SEMA3A: variants seen among roughly 807,000 people sequenced by gnomAD.
The protein encoded by SEMA3A is semaphorin 3A, also known as semaphorin-3A.
A neutral mutation model predicts 97.9 loss-of-function variants in SEMA3A; 29 were observed. That is an observed-to-expected ratio of 0.30 (90% CI 0.22 to 0.40). SEMA3A has a LOEUF of 0.40. SEMA3A is among the 10% of genes least tolerant of loss of function. The pLI is 1.00. For missense variants in SEMA3A, 763 were observed against 951.3 expected (o/e 0.80, Z 2.60); for synonymous variants, 321 against 323.7 (o/e 0.99, Z 0.09).
In SEMA3A at chr7:84,293,510, T is replaced by A. The variant is rs553829509; in HGVS notation, c.-83+13697A>T. Among the ~76,000 whole-genome samples the A allele has an allele frequency of 1.1e-3, 164 of 152,120 alleles. 1 individual carries two copies. The highest frequency in any genetic ancestry group is 3.4e-3 in the Middle Eastern group (1 of 294). Reference sequence around the variant, plus strand: ...AGACATGAGAAAAGTATCAAATTAATTTTCAGATGCAAAAAATATAACAAT... The same window carrying A: ...AGACATGAGAAAAGTATCAAATTAAATTTCAGATGCAAAAAATATAACAAT... On this transcript the variant is annotated intron_variant, in intron 3 of 3. Transcript: ENST00000424555.
intron 4 of SEMA3A, among the ~76,000 whole-genome samples, chr7:84,063,526 A>G (rs1296292781): frequency 2.0e-5 from 3 of 150,062 alleles, no homozygotes; most frequent in African/African-American, 7.4e-5. Context: ...TTTGAAAAAA[A>G]TTTAGAAGAA....
intron 3 of SEMA3A, among the ~76,000 whole-genome samples, chr7:84,264,967 A>T (rs1274640053): frequency 6.6e-6 from 1 of 152,148 alleles, no homozygotes; most frequent in African/African-American, 2.4e-5. Flanking sequence ...CCCAGTCATC[A>T]GTCTGCTTAT....
intron 1 of SEMA3A, among the ~76,000 whole-genome samples, chr7:84,377,927 T>C (rs1803150028): frequency 6.6e-6 from 1 of 152,278 alleles, no homozygotes; most frequent in South Asian, 2.1e-4. Context: ...TCAAAATCTA[T>C]TTACCTGAAT....
At position 84,271,160 on chromosome 7, in the gene SEMA3A, T is replaced by C. The variant is rs910443872; in HGVS notation, c.-83+36047A>G. 3.3e-5 allele frequency among the ~76,000 whole-genome samples: 5 copies of C among 152,224 alleles called. No homozygotes were observed. In the South Asian group the frequency reaches 8.3e-4, roughly 25 times the overall value. On this transcript the variant is annotated intron_variant, in intron 3 of 3. Transcript: ENST00000424555. Reference sequence around the variant, plus strand: ...TCTCTCTCTTTTTTCTATTTATTTATAGCTACCTCCTCTGATGTGTACTCA... The same window carrying C: ...TCTCTCTCTTTTTTCTATTTATTTACAGCTACCTCCTCTGATGTGTACTCA...
intron 3 of SEMA3A, among the ~76,000 whole-genome samples, chr7:84,113,173 T>G (rs2115951850): frequency 6.6e-6 from 1 of 152,234 alleles, no homozygotes; most frequent in South Asian, 2.1e-4. Flanking sequence ...TCAAATTTGG[T>G]TAAAAATAGT....
chr7:84,318,821 A>G (rs563784643), intron 2 of SEMA3A, among the ~76,000 whole-genome samples: 1 of 152,292 alleles, frequency 6.6e-6, no homozygotes, highest in East Asian at 1.9e-4. Context: ...GCATTGCTCA[A>G]TGTATTTATG....
chr7:84,170,931 C>G (rs977432060), intron 1 of SEMA3A, among the ~76,000 whole-genome samples: 3 of 151,924 alleles, frequency 2.0e-5, no homozygotes, highest in East Asian at 3.9e-4. Context: ...TAAACTGGAC[C>G]GTGTAAGAAC....
intron 1 of SEMA3A, among the ~76,000 whole-genome samples, chr7:84,476,388 T>A (rs754797083): frequency 6.6e-6 from 1 of 151,844 alleles, no homozygotes; most frequent in African/African-American, 2.4e-5. Context: ...GAAAAAATTT[T>A]TTTTCAATGT....
chr7:84,313,352 GTGTGTATATATATATATATA>G (rs1186461530), intron 2 of SEMA3A, among the ~76,000 whole-genome samples: 13,617 of 83,272 alleles, frequency 0.16, 1,670 homozygotes, highest in Middle Eastern at 0.21. Flanking sequence ...GTATATGTGT[GTGTGTATATATATATATATA>G]TATATATATA....
intron 2 of SEMA3A, among the ~76,000 whole-genome samples, chr7:84,357,966 C>G (rs893850538): frequency 6.6e-6 from 1 of 152,142 alleles, no homozygotes; most frequent in Non-Finnish European, 1.5e-5. Flanking sequence ...ATCCTTCACC[C>G]ACTTGTTGAT....
intron 4 of SEMA3A, among the ~76,000 whole-genome samples, chr7:84,084,388 T>C (rs989372652): frequency 6.6e-6 from 1 of 152,064 alleles, no homozygotes; most frequent in African/African-American, 2.4e-5. Flanking sequence ...ATAGCAGGGG[T>C]GATAAAAATT....
At chr7:84,287,317 T>C (rs1800615197) in intron 3 of SEMA3A, among the ~76,000 whole-genome samples, 1 of 152,074 alleles carries the variant, frequency 6.6e-6, no homozygotes, top group South Asian at 2.1e-4. Flanking sequence ...CTTCAACTCA[T>C]CAAAAAACAT....
intron 2 of SEMA3A, among the ~76,000 whole-genome samples, chr7:84,328,493 T>C (rs1584242846): frequency 6.6e-6 from 1 of 151,938 alleles, no homozygotes; most frequent in African/African-American, 2.4e-5. Context: ...AAGCTTCTTA[T>C]ATGAGAAAAA....
intron 1 of SEMA3A, among the ~76,000 whole-genome samples, chr7:84,426,445 A>C (rs950036193): frequency 6.6e-6 from 1 of 152,142 alleles, no homozygotes; most frequent in Non-Finnish European, 1.5e-5. Flanking sequence ...TATATTTCAC[A>C]GAGAATGTAA....
intron 6 of SEMA3A, among the ~76,000 whole-genome samples, chr7:84,045,615 A>G (rs1792317728): frequency 6.6e-6 from 1 of 151,802 alleles, no homozygotes; most frequent in African/African-American, 2.4e-5. Flanking sequence ...CATTTTGTGC[A>G]TTTTCTGCTA....
Position 84,099,073 on chromosome 7 carries a change from TTC to T in SEMA3A, c.453+11395_453+11396del, listed in dbSNP as rs1281356310. On this transcript the variant is annotated intron_variant, in intron 4 of 16. Coordinates refer to ENST00000265362, the MANE Select transcript of SEMA3A (RefSeq NM_006080.3). ...ATCAGGAATTACATTTTCTTTTTTT[TTC>T]TTTTTTTTTTTTTGAGACGGAGTCT... is the stretch of plus-strand genomic sequence containing the variant. 3.0e-4 allele frequency among the ~76,000 whole-genome samples: 15 copies of T among 49,660 alleles called. 4 individuals carry two copies. The highest frequency in any genetic ancestry group is 9.7e-4 in the South Asian group (2 of 2,054). The allele number at this position is 49,660 out of a possible 152,430, so 32.6% of individuals were successfully genotyped here. A position where few individuals can be genotyped will look rare whatever the true frequency, so the allele number is the denominator to read the frequency against.
At chr7:84,054,871 G>C (rs1792879577) in intron 5 of SEMA3A, among the ~76,000 whole-genome samples, 1 of 150,916 alleles carries the variant, frequency 6.6e-6, no homozygotes, top group Admixed American at 6.6e-5. Context: ...GTGATGCACA[G>C]ATGGGTTTTT....
chr7:84,138,429 T>C (rs1474246732), intron 1 of SEMA3A, among the ~76,000 whole-genome samples: 1 of 152,130 alleles, frequency 6.6e-6, no homozygotes, highest in Non-Finnish European at 1.5e-5. Context: ...TGACTTTCTA[T>C]ATCACAGTTC....
chr7:84,010,829 A>AT (rs1389513691), intron 9 of SEMA3A, among the ~76,000 whole-genome samples, 193 bp downstream of exon 9: 2 of 152,122 alleles, frequency 1.3e-5, no homozygotes, highest in Non-Finnish European at 2.9e-5. Flanking sequence ...TACAATGATG[A>AT]TTTTTTCTAA....
Sources: allele counts gnomAD v4.1 joint callset (sites outside exome capture counted in the v4.1 genomes callset), GRCh38; gene constraint gnomAD v4.1.1; transcripts MANE v1.5; gene names NCBI Gene and HGNC (gene_info 2026-07-23, HGNC 2026-07-21).